The following KDM3B variants were observed in gnomAD, a reference collection of about 807,000 sequenced individuals.
KDM3B encodes the protein lysine-specific demethylase 3B.
A neutral mutation model predicts 170.0 loss-of-function variants in KDM3B; 10 were observed. The observed-to-expected ratio is 0.06, with a 90% CI of 0.04 to 0.10. The LOEUF (loss-of-function observed/expected upper bound fraction) is 0.10. KDM3B is among the 10% of genes least tolerant of loss of function. KDM3B has a pLI of 1.00. For synonymous variants in KDM3B, 831 were observed against 834.8 expected (o/e 1.00, Z 0.08); for missense variants, 1,394 against 2,195.2 (o/e 0.64, Z 7.29).
intron 17 of KDM3B, chr5:138,426,752 G>A (rs1387941707): frequency 2.5e-5 from 11 of 444,600 alleles, no homozygotes; most frequent in Non-Finnish European, 3.8e-5. Context: ...TTAGCCAGGC[G>A]TGGTGGTGGT....
At chr5:138,383,984 C>T (rs1396718165) in intron 6 of KDM3B, among the ~76,000 whole-genome samples, 14 of 151,096 alleles carry the variant, frequency 9.3e-5, no homozygotes, top group African/African-American at 1.9e-4. Context: ...AGGCCAGGCG[C>T]GGTGGCTCAC....
intron 13 of KDM3B, 40 bp downstream of exon 13, chr5:138,417,650 A>G: frequency 6.3e-7 from 1 of 1,597,936 alleles, no homozygotes; most frequent in Non-Finnish European, 8.6e-7. Flanking sequence ...TGAAGCCTAA[A>G]TTTTTTTGTA....
intron 23 of KDM3B, 139 bp from the exon 24 acceptor site, chr5:138,435,480 TA>T: frequency 3.1e-6 from 2 of 642,838 alleles, no homozygotes; most frequent in Non-Finnish European, 2.8e-6. Context: ...ATGTGATTTG[TA>T]AATGACTGTG....
chr5:138,357,358 T>C (rs1761476981), intron 1 of KDM3B, among the ~76,000 whole-genome samples: 3 of 147,758 alleles, frequency 2.0e-5, no homozygotes, highest in African/African-American at 7.3e-5. Context: ...AAATATACTT[T>C]AAAAAACATT....
intron 15 of KDM3B, 112 bp downstream of exon 15, chr5:138,421,074 A>G (rs1580949193): frequency 1.6e-6 from 2 of 1,244,310 alleles, no homozygotes; most frequent in East Asian, 2.3e-5. Flanking sequence ...TACATTGTCA[A>G]GCTGACAAGG....
chr5:138,376,046 G>A (rs144854058), intron 3 of KDM3B, among the ~76,000 whole-genome samples: 2,229 of 151,894 alleles, frequency 0.015, 91 homozygotes, highest in Admixed American at 0.091. Flanking sequence ...GCTCCATCTC[G>A]CCTCACTGCA....
chr5:138,396,966 G>A (rs573575054), intron 9 of KDM3B, among the ~76,000 whole-genome samples: 83 of 152,070 alleles, frequency 5.5e-4, no homozygotes, highest in African/African-American at 1.8e-3. Context: ...TGGGCGGATC[G>A]CTTAAGCCCA....
At position 138,391,745 on chromosome 5, in the gene KDM3B, G is replaced by A; in HGVS notation, c.2113G>A (p.Val705Ile). ...TTDSSKLVSG[V>I]LGSALTSGGP... is the part of the protein sequence containing the mutation. ...TGACTCCTCCAAGCTAGTATCTGGT[G>A]TTCTGGGCTCAGCTCTTACCAGTGG... Residue 705 changes from valine to isoleucine, a missense_variant, in exon 8 of 24, where the codon GTT becomes ATT. This residue lies in a region of KDM3B where 294 missense variants were observed against 311.7 expected (regional missense o/e 0.94). Transcript: ENST00000314358. The surrounding 1 kb of genome is among the most constrained non-coding windows in gnomAD (Gnocchi z 5.0). 6.2e-7 allele frequency: 1 copy of A among 1,614,080 alleles called. No individual in the cohort carries two copies. Among genetic ancestry groups the A allele is most frequent in the Non-Finnish European group, 8.5e-7 (1 of 1,180,036 alleles).
chr5:138,352,792 G>A lies in KDM3B; in HGVS notation c.-4G>A, dbSNP rs893639877. On this transcript the variant is annotated 5_prime_UTR_variant, in exon 1 of 24. Transcript: ENST00000314358. Reference sequence around the variant, plus strand: ...CGGGAGCGCGGGTCAGGCCGGCCCCGGCGATGGCGGACGCGGCGGCCTCCC... The same window carrying A: ...CGGGAGCGCGGGTCAGGCCGGCCCCAGCGATGGCGGACGCGGCGGCCTCCC... The A allele has an allele frequency of 1.6e-6, 2 of 1,281,418 alleles. No individual in the cohort carries two copies. Among genetic ancestry groups the A allele is most frequent in the Non-Finnish European group, 2.0e-6 (2 of 1,014,460 alleles). 79.4% of individuals were successfully genotyped at this position (1,281,418 alleles called of 1,614,324 possible). A position where few individuals can be genotyped will look rare whatever the true frequency, so the allele number is the denominator to read the frequency against.
chr5:138,395,957 A>C (rs1422321338), intron 9 of KDM3B, among the ~76,000 whole-genome samples: 2 of 152,126 alleles, frequency 1.3e-5, no homozygotes, highest in Non-Finnish European at 2.9e-5. Flanking sequence ...TGTTGCTGAC[A>C]GGTCATGTTA....
rs1580942637 is a variant in KDM3B, at chr5:138,417,493, T to C, written c.3318T>C (p.Asn1106=). The change falls in exon 13 of 24, where the codon AAT becomes AAC. Residue 1106 remains asparagine (N), a synonymous_variant. Transcript: ENST00000314358. ...ACATTTTTTTCCCAGCTCTTTACAA[T>C]ATTGGAGACATGGTACATGCTGCCC... ...TQIIPGTALY[N]IGDMVHAARG... The C allele has an allele frequency of 6.2e-7, 1 of 1,614,142 alleles. No homozygotes were observed. Among genetic ancestry groups the C allele is most frequent in the Non-Finnish European group, 8.5e-7 (1 of 1,179,980 alleles).
chr5:138,356,877 C>T (rs1580870102), intron 1 of KDM3B, among the ~76,000 whole-genome samples: 1 of 152,116 alleles, frequency 6.6e-6, no homozygotes, highest in East Asian at 1.9e-4. Context: ...CTCCTGACCT[C>T]GTGATCTGTG....
At chr5:138,371,068 A>G (rs1425578148) in intron 1 of KDM3B, among the ~76,000 whole-genome samples, 1 of 151,906 alleles carries the variant, frequency 6.6e-6, no homozygotes, top group African/African-American at 2.4e-5. Context: ...CGGCCTCCCA[A>G]AGTTCTGGGA....
chr5:138,431,587 C>T lies in KDM3B; in HGVS notation c.5205+28C>T. On this transcript the variant is annotated intron_variant, in intron 23 of 23. Transcript: ENST00000314358. The stretch of plus-strand genomic sequence containing the variant: ...AAATAACTCCTCCCTCTACCCCACT[C>T]TGTCTTCTCATTGCATACTCACATA... 2.6e-6 allele frequency: 4 copies of T among 1,567,296 alleles called. No homozygotes were observed. In the South Asian group the frequency reaches 4.8e-5, roughly 19 times the overall value.
chr5:138,360,590 T>A (rs973174531), intron 1 of KDM3B, among the ~76,000 whole-genome samples: 4 of 93,952 alleles, frequency 4.3e-5, no homozygotes, highest in African/African-American at 1.5e-4. Context: ...TTTTTTTTTT[T>A]TGAGACGGAG....
chr5:138,360,197 G>GTGGT (rs1241289667), intron 1 of KDM3B, among the ~76,000 whole-genome samples: 1 of 152,148 alleles, frequency 6.6e-6, no homozygotes, highest in South Asian at 2.1e-4. Flanking sequence ...ATGGGAGTTT[G>GTGGT]TGGTTTTAAA....
chr5:138,382,593 C>T (rs1476420894), intron 6 of KDM3B, among the ~76,000 whole-genome samples: 2 of 152,156 alleles, frequency 1.3e-5, no homozygotes, highest in African/African-American at 2.4e-5. Flanking sequence ...GCCACTCCTG[C>T]TAAGTATATA....
At chr5:138,417,698 C>A in intron 13 of KDM3B, 88 bp downstream of exon 13, 1 of 1,359,546 alleles carries the variant, frequency 7.4e-7, no homozygotes, top group Non-Finnish European at 1.0e-6. Flanking sequence ...TTATGCCAGG[C>A]TACTGTAGGA....
chr5:138,426,899 C>T (rs905735472), intron 17 of KDM3B, 76 bp from the exon 18 acceptor site: 7 of 933,732 alleles, frequency 7.5e-6, no homozygotes, highest in South Asian at 4.2e-5. Context: ...AGAGATTAGT[C>T]TCCCAAAAGT....
Sources: allele counts gnomAD v4.1 joint callset (sites outside exome capture counted in the v4.1 genomes callset), GRCh38; gene constraint gnomAD v4.1.1; regional missense constraint gnomAD v4.1.1; non-coding constraint Gnocchi (gnomAD v3.1); transcripts MANE v1.5; gene names NCBI Gene and HGNC (gene_info 2026-07-23, HGNC 2026-07-21).